Variants in RYR3 observed in about 807,000 individuals in gnomAD.
The protein encoded by RYR3 is brain ryanodine receptor-calcium release channel.
RYR3 carries 207 observed loss-of-function variants against 584.3 expected under a neutral mutation model. That is an observed-to-expected ratio of 0.35 (90% CI 0.32 to 0.40). RYR3 has a LOEUF of 0.40. RYR3 is among the 10% of genes least tolerant of loss of function. RYR3 has a pLI of 1.00. For missense variants in RYR3, 5,616 were observed against 6,089.2 expected (o/e 0.92, Z 2.59); for synonymous variants, 2,416 against 2,248.5 (o/e 1.07, Z -2.11).
intron 19 of RYR3, among the ~76,000 whole-genome samples, chr15:33,620,933 G>A (rs1001705522): frequency 6.6e-6 from 1 of 152,212 alleles, no homozygotes; most frequent in Non-Finnish European, 1.5e-5. Context: ...GATGTTTAAA[G>A]ACCAAAGCTT....
chr15:33,804,405 T>G (rs2076075902), intron 69 of RYR3, among the ~76,000 whole-genome samples: 1 of 152,194 alleles, frequency 6.6e-6, no homozygotes, highest in Non-Finnish European at 1.5e-5. Flanking sequence ...GAAAGGAAGC[T>G]AAGTCTTGCC....
intron 1 of RYR3, among the ~76,000 whole-genome samples, chr15:33,472,734 T>C (rs1596291284): frequency 6.6e-6 from 1 of 152,210 alleles, no homozygotes; most frequent in South Asian, 2.1e-4. Flanking sequence ...GAGGGCTGCT[T>C]TTGGGATTGA....
At chr15:33,810,750 AGCAGATGC>A (rs1472980550) in intron 71 of RYR3, 101 bp downstream of exon 71, 1 of 1,445,162 alleles carries the variant, frequency 6.9e-7, no homozygotes, top group African/African-American at 1.4e-5. Context: ...GGGGGCGGGG[AGCAGATGC>A]GCAGAAACCA....
intron 32 of RYR3, among the ~76,000 whole-genome samples, chr15:33,656,768 C>T (rs1052174841): frequency 6.6e-6 from 1 of 152,174 alleles, no homozygotes; most frequent in Admixed American, 6.5e-5. Flanking sequence ...ACTCTCAGCT[C>T]CCAGAGGGCA....
intron 14 of RYR3, among the ~76,000 whole-genome samples, chr15:33,583,779 T>C (rs1447245582): frequency 1.3e-5 from 2 of 152,064 alleles, no homozygotes; most frequent in Non-Finnish European, 1.5e-5. Context: ...ACGCCAGGCA[T>C]GGTAGCTCGC....
At chr15:33,801,074 G>A (rs1289101625) in intron 68 of RYR3, among the ~76,000 whole-genome samples, 2 of 152,242 alleles carry the variant, frequency 1.3e-5, no homozygotes. Flanking sequence ...CAGTGGGACA[G>A]AAGTTACTGA....
At chr15:33,335,530 G>A (rs945448018) in intron 1 of RYR3, among the ~76,000 whole-genome samples, 6 of 152,152 alleles carry the variant, frequency 3.9e-5, no homozygotes, top group African/African-American at 1.4e-4. Context: ...GCCTATCAGA[G>A]GGTGGAGGGT....
chr15:33,674,519 A>G (rs544002435), intron 38 of RYR3, among the ~76,000 whole-genome samples: 1 of 152,188 alleles, frequency 6.6e-6, no homozygotes, highest in Non-Finnish European at 1.5e-5. Flanking sequence ...AACATGTCGT[A>G]CTTGTTTCCA....
At chr15:33,499,508 A>G (rs1325585686) in intron 2 of RYR3, among the ~76,000 whole-genome samples, 3 of 152,220 alleles carry the variant, frequency 2.0e-5, no homozygotes, top group Non-Finnish European at 4.4e-5. Context: ...TTATTTTTAT[A>G]CAAATAAGAA....
intron 77 of RYR3, 113 bp from the exon 78 acceptor site, chr15:33,820,643 C>G: frequency 1.1e-6 from 1 of 875,646 alleles, no homozygotes; most frequent in Admixed American, 2.4e-5. Flanking sequence ...ACGCTGAGGT[C>G]CTGAGGTGCC....
chr15:33,422,588 T>C (rs961917039), intron 1 of RYR3, among the ~76,000 whole-genome samples: 1 of 151,480 alleles, frequency 6.6e-6, no homozygotes, highest in Non-Finnish European at 1.5e-5. Flanking sequence ...ATGATAAGAG[T>C]TGGGGTAGGG....
intron 94 of RYR3, chr15:33,852,807 G>A (rs2079241481): frequency 2.4e-6 from 1 of 418,482 alleles, no homozygotes. Context: ...TAATTCTGAG[G>A]CAGAAACTGC....
intron 98 of RYR3, chr15:33,855,756 T>C (rs1310211991): frequency 6.6e-6 from 1 of 152,182 alleles, no homozygotes; most frequent in Non-Finnish European, 1.5e-5. Context: ...TTAATACATA[T>C]TATATAGTTA....
chr15:33,723,228 T>A (rs1406716254), intron 44 of RYR3, among the ~76,000 whole-genome samples: 3 of 152,216 alleles, frequency 2.0e-5, no homozygotes, highest in Non-Finnish European at 4.4e-5. Context: ...CTTCAGCATG[T>A]TTCCTTCAGT....
At chr15:33,721,913 A>G (rs1379838001) in intron 43 of RYR3, among the ~76,000 whole-genome samples, 2 of 152,198 alleles carry the variant, frequency 1.3e-5, no homozygotes, top group African/African-American at 4.8e-5. Context: ...TTCATTATCT[A>G]TGGTTCATCC....
chr15:33,843,625 G>A (rs2303868), intron 92 of RYR3, 51 bp downstream of exon 92: 1,058,861 of 1,174,552 alleles, frequency 0.9, 479,568 homozygotes, highest in Non-Finnish European at 0.92. Flanking sequence ...TACTAAGTAT[G>A]CTATGTGTAG....
At chr15:33,549,694 CTCTTTGTCTGGCAA>C (rs1414463047) in intron 9 of RYR3, among the ~76,000 whole-genome samples, 2 of 152,196 alleles carry the variant, frequency 1.3e-5, no homozygotes, top group Non-Finnish European at 2.9e-5. Context: ...TTTGTTGTCT[CTCTTTGTCTGGCAA>C]GTGTAAGCTG....
intron 80 of RYR3, among the ~76,000 whole-genome samples, chr15:33,822,115 A>T (rs1596811334): frequency 6.6e-6 from 1 of 151,698 alleles, no homozygotes; most frequent in African/African-American, 2.4e-5. Context: ...ACAAATAAAA[A>T]CTCCTGCCAT....
At chr15:33,515,534 A>G (rs902827661) in intron 3 of RYR3, among the ~76,000 whole-genome samples, 7 of 152,334 alleles carry the variant, frequency 4.6e-5, no homozygotes, top group African/African-American at 7.2e-5. Context: ...AGTCTTTCCT[A>G]TGGCACAAAT....
Sources: gnomAD v4.1 joint callset for allele counts (sites outside exome capture counted in the v4.1 genomes callset) on GRCh38, gnomAD v4.1.1 for gene constraint, MANE v1.5 for transcripts, NCBI Gene and HGNC (gene_info 2026-07-23, HGNC 2026-07-21) for gene names.